Variants in DAB1 observed in about 807,000 individuals in gnomAD.
DAB1 encodes the protein DAB adaptor protein 1.
DAB1 carries 15 observed loss-of-function variants against 64.6 expected under a neutral mutation model. That is an observed-to-expected ratio of 0.23 (90% CI 0.16 to 0.36). The LOEUF is 0.36. DAB1 is among the 10% of genes least tolerant of loss of function. The probability of loss-of-function intolerance (pLI) is 1.00; values close to 1 mark genes in which losing one functional copy is unlikely to be tolerated. For synonymous variants in DAB1, 235 were observed against 251.9 expected, an observed-to-expected ratio of 0.93 and a Z score of 0.64; for missense variants, 596 against 706.7, an observed-to-expected ratio of 0.84 and a Z score of 1.78.
At chr1:57,687,490 G>A (rs577623923) in intron 6 of DAB1, among the ~76,000 whole-genome samples, 1 of 147,798 alleles carries the variant, frequency 6.8e-6, no homozygotes, top group East Asian at 2.0e-4. Context: ...GTTCAGCACT[G>A]TTCCTATCAA....
In DAB1 at chr1:57,595,131, G is replaced by T. The variant is rs185977321; in HGVS notation, n.625+54461C>A. Among the ~76,000 whole-genome samples, 707 of 151,930 alleles carry T rather than the reference G, an allele frequency of 4.7e-3. 3 individuals carry two copies. Among genetic ancestry groups the T allele is most frequent in the Non-Finnish European group, 8.0e-3 (541 of 67,950 alleles). ...AGTAAATACTGAAAAACTGTATTTT[G>T]AATATAGTTGTTGTTTTTAAAAAAA... On this transcript the variant is annotated intron_variant and non_coding_transcript_variant, in intron 7 of 20. Coordinates refer to the DAB1 transcript ENST00000485760.
chr1:57,256,387 A>G (rs1669762335), intron 2 of DAB1, among the ~76,000 whole-genome samples: 1 of 152,220 alleles, frequency 6.6e-6, no homozygotes, highest in Non-Finnish European at 1.5e-5. Context: ...TGATCAGTTT[A>G]AAGATCTGGC....
chr1:57,827,075 CTT>C (rs915013654), intron 1 of DAB1, among the ~76,000 whole-genome samples: 3 of 152,074 alleles, frequency 2.0e-5, no homozygotes, highest in African/African-American at 7.2e-5. Context: ...TATGGTAACT[CTT>C]TATTGTTTAA....
intron 6 of DAB1, among the ~76,000 whole-genome samples, chr1:57,659,666 T>C (rs1482780115): frequency 6.6e-6 from 1 of 152,008 alleles, no homozygotes; most frequent in African/African-American, 2.4e-5. Flanking sequence ...ATTTCATGGC[T>C]ATAAAAATCA....
chr1:58,101,044 C>T (rs550569168), intron 5 of DAB1, among the ~76,000 whole-genome samples: 2 of 152,224 alleles, frequency 1.3e-5, no homozygotes, highest in South Asian at 2.1e-4. Context: ...CAGCCGGGCG[C>T]GGTGGCTCAC....
At chr1:57,236,692 A>T (rs1053354627) in intron 2 of DAB1, among the ~76,000 whole-genome samples, 1 of 152,242 alleles carries the variant, frequency 6.6e-6, no homozygotes. Context: ...ATTTTCATGT[A>T]GAATGAGAAA....
At chr1:57,781,577 T>C (rs2101844856) in intron 6 of DAB1, among the ~76,000 whole-genome samples, 1 of 152,152 alleles carries the variant, frequency 6.6e-6, no homozygotes, top group Non-Finnish European at 1.5e-5. Context: ...TCACAGAAAG[T>C]AAACTAAGTA....
chr1:58,143,776 C>A (rs757453966), intron 5 of DAB1, among the ~76,000 whole-genome samples: 1 of 152,148 alleles, frequency 6.6e-6, no homozygotes, highest in Non-Finnish European at 1.5e-5. Context: ...CTTTACTTAC[C>A]TTACTCAAGA....
At chr1:58,432,880 C>T (rs1172207407) in intron 3 of DAB1, among the ~76,000 whole-genome samples, 1 of 152,208 alleles carries the variant, frequency 6.6e-6, no homozygotes, top group Non-Finnish European at 1.5e-5. Context: ...TCCTGCTCTG[C>T]GAGCCCTCCC....
At chr1:58,220,866 C>CAT (rs10563836) in intron 4 of DAB1, among the ~76,000 whole-genome samples, 26 of 79,724 alleles carry the variant, frequency 3.3e-4, no homozygotes, top group South Asian at 9.8e-4. Flanking sequence ...CACATATATA[C>CAT]ATATATACAC....
intron 3 of DAB1, among the ~76,000 whole-genome samples, chr1:58,351,458 TAGCCTAATGATC>T (rs1379115123): frequency 6.6e-6 from 1 of 152,032 alleles, no homozygotes; most frequent in East Asian, 1.9e-4. Context: ...CTCCATTTCA[TAGCCTAATGATC>T]AGTGGGAGTG....
chr1:57,976,965 C>T (rs1325367783), intron 5 of DAB1, among the ~76,000 whole-genome samples: 2 of 152,298 alleles, frequency 1.3e-5, no homozygotes, highest in Non-Finnish European at 2.9e-5. Context: ...TGCCTCTGGT[C>T]TCCTAACACT....
chr1:57,365,228 TA>T (rs909147584), intron 1 of DAB1, among the ~76,000 whole-genome samples: 7 of 142,584 alleles, frequency 4.9e-5, no homozygotes, highest in African/African-American at 1.8e-4. Flanking sequence ...TTATGTTATA[TA>T]AAAATATATA....
chr1:57,453,852 T>C, intron 7 of DAB1, among the ~76,000 whole-genome samples: 1 of 151,994 alleles, frequency 6.6e-6, no homozygotes, highest in East Asian at 1.9e-4. Context: ...TACTTCTTTT[T>C]TTCTCCAAAC....
chr1:58,435,504 C>T (rs961768773), intron 3 of DAB1, among the ~76,000 whole-genome samples: 2 of 152,134 alleles, frequency 1.3e-5, no homozygotes, highest in Non-Finnish European at 2.9e-5. Context: ...CTCCACTGGA[C>T]GTCCCACAGA....
chr1:58,363,606 T>C (rs1208273073), intron 3 of DAB1, among the ~76,000 whole-genome samples: 1 of 152,212 alleles, frequency 6.6e-6, no homozygotes, highest in Non-Finnish European at 1.5e-5. Flanking sequence ...CTGCAGCCAA[T>C]CACCAATTAT....
intron 2 of DAB1, among the ~76,000 whole-genome samples, chr1:57,204,722 C>T (rs1356958032): frequency 6.6e-6 from 1 of 152,090 alleles, no homozygotes; most frequent in South Asian, 2.1e-4. Flanking sequence ...TTAAAATGTA[C>T]GTAAAGTATT....
At chr1:58,002,341 T>C (rs1265876060) in intron 5 of DAB1, among the ~76,000 whole-genome samples, 1 of 152,222 alleles carries the variant, frequency 6.6e-6, no homozygotes, top group African/African-American at 2.4e-5. Flanking sequence ...TTTGTTTTTC[T>C]TTAAACTAGT....
chr1:58,244,150 T>C (rs1337611890), intron 4 of DAB1, among the ~76,000 whole-genome samples: 1 of 152,202 alleles, frequency 6.6e-6, no homozygotes, highest in African/African-American at 2.4e-5. Context: ...TTCCTTTCCA[T>C]GGAAATACGG....
Sources: allele counts gnomAD v4.1 joint callset (sites outside exome capture counted in the v4.1 genomes callset), GRCh38; gene constraint gnomAD v4.1.1; transcripts MANE v1.5; gene names NCBI Gene and HGNC (gene_info 2026-07-23, HGNC 2026-07-21).